The following TRIM33 variants were observed in gnomAD, a reference collection of about 807,000 sequenced individuals.
TRIM33 encodes E3 ubiquitin-protein ligase TRIM33.
In TRIM33, 20 loss-of-function variants were observed where a neutral mutation model predicts 125.4. That is an observed-to-expected ratio of 0.16 (90% confidence interval 0.11 to 0.23). The LOEUF is 0.23. Ranked by LOEUF, TRIM33 falls within the 10% of genes least tolerant of loss-of-function variation. TRIM33 has a pLI of 1.00. For missense variants in TRIM33, 920 were observed against 1,411.4 expected, an observed-to-expected ratio of 0.65 and a Z score of 5.58; for synonymous variants, 564 against 513.9, an observed-to-expected ratio of 1.10 and a Z score of -1.32.
At position 114,507,496 on chromosome 1, in the gene TRIM33, T is replaced by G. The variant is rs540736948; in HGVS notation, c.526+3055A>C. ...GAAAAAGATGGTGAGTTAAAACCAC[T>G]AGCTATGATCTCCAGACCAGAGATG... On this transcript the variant is annotated intron_variant, in intron 1 of 19. Coordinates refer to ENST00000358465, the MANE Select transcript of TRIM33 (RefSeq NM_015906.4). Among the ~76,000 whole-genome samples the G allele has an allele frequency of 7.9e-5, 12 of 152,338 alleles. No individual in the cohort carries two copies. The East Asian group carries it at 2.3e-3, about 29-fold the overall frequency.
At chr1:114,475,827 AC>A (rs1326812995) in intron 1 of TRIM33, among the ~76,000 whole-genome samples, 1 of 151,962 alleles carries the variant, frequency 6.6e-6, no homozygotes, top group Non-Finnish European at 1.5e-5. Context: ...ACAAAGCAAG[AC>A]CCCATCTCTA....
chr1:114,486,158 C>G (rs971501956), intron 1 of TRIM33, among the ~76,000 whole-genome samples: 1 of 151,986 alleles, frequency 6.6e-6, no homozygotes, highest in Non-Finnish European at 1.5e-5. Flanking sequence ...CACCTGTAGT[C>G]CCAGCTATTT....
In TRIM33 at chr1:114,397,503, G is replaced by A; in HGVS notation, c.*145C>T. On this transcript the variant is annotated 3_prime_UTR_variant, in exon 20 of 20. Coordinates refer to ENST00000358465, the MANE Select transcript of TRIM33 (RefSeq NM_015906.4). Reference sequence around the variant, plus strand: ...CTGTCCATTATTTCAATCTAATACTGTGTAAAAGCTATCAGCTTCTTCAAG... The same window carrying A: ...CTGTCCATTATTTCAATCTAATACTATGTAAAAGCTATCAGCTTCTTCAAG... 2 of 626,934 alleles carry A rather than the reference G, an allele frequency of 3.2e-6. No homozygotes were observed. The allele number at this position is 626,934 out of a possible 1,614,324, so 38.8% of individuals were successfully genotyped here. A position where few individuals can be genotyped will look rare whatever the true frequency, so the allele number is the denominator to read the frequency against.
Position 114,425,506 on chromosome 1 carries a change from T to TGTA in TRIM33, c.1635_1637dup (p.Thr550dup). 1.2e-6 allele frequency: 2 copies of TGTA among 1,614,132 alleles called. No individual in the cohort carries two copies. Among genetic ancestry groups the TGTA allele is most frequent in the Non-Finnish European group, 1.7e-6 (2 of 1,179,970 alleles). ...TAGGATGCTGTTGTGTTGTTGTTGT[T>TGTA]GTAGTTGGTACAGGTGCTGGTGGTT... is the stretch of plus-strand genomic sequence containing the variant. On this transcript the variant is annotated inframe_insertion, in exon 9 of 20. Coordinates refer to ENST00000358465, the MANE Select transcript of TRIM33 (RefSeq NM_015906.4).
chr1:114,468,134 T>C (rs892897900), intron 1 of TRIM33, among the ~76,000 whole-genome samples: 58 of 152,346 alleles, frequency 3.8e-4, no homozygotes, highest in African/African-American at 7.7e-4. Context: ...CTAAGTCTAG[T>C]TCCTCTCTCC....
chr1:114,421,288 A>G (rs1653263955), intron 11 of TRIM33, 148 bp downstream of exon 11: 1 of 737,048 alleles, frequency 1.4e-6, no homozygotes, highest in Non-Finnish European at 2.2e-6. Flanking sequence ...TTAGACTGGA[A>G]GGAGACTTTT....
Position 114,405,771 on chromosome 1 carries a change from C to G in TRIM33, c.2419-12G>C. On this transcript the variant is annotated splice_polypyrimidine_tract_variant and intron_variant, in intron 14 of 19. Transcript: ENST00000358465. The stretch of plus-strand genomic sequence containing the variant: ...TCAGGACTGCTCAACTAAAACAAAA[C>G]GATGACAAATTCTTGAAGAATCATT... 3 of 1,582,704 alleles carry G rather than the reference C, an allele frequency of 1.9e-6. No individual in the cohort carries two copies. In the Middle Eastern group the frequency reaches 5.1e-4, roughly 269 times the overall value.
intron 16 of TRIM33, among the ~76,000 whole-genome samples, chr1:114,401,749 A>G (rs1201408093): frequency 6.6e-6 from 1 of 152,224 alleles, no homozygotes; most frequent in Non-Finnish European, 1.5e-5. Flanking sequence ...GCAAAAATTT[A>G]TAAATTACTT....
At chr1:114,481,589 C>T (rs986726042) in intron 1 of TRIM33, among the ~76,000 whole-genome samples, 12 of 126,182 alleles carry the variant, frequency 9.5e-5, no homozygotes, top group African/African-American at 2.4e-4. Context: ...AGACACTGTC[C>T]GAAAAAAAAC....
intron 11 of TRIM33, among the ~76,000 whole-genome samples, chr1:114,419,875 CACTT>C (rs1207697611): frequency 2.0e-5 from 3 of 152,130 alleles, no homozygotes; most frequent in Non-Finnish European, 2.9e-5. Flanking sequence ...TAAATATACA[CACTT>C]ACTTTAAATA....
At position 114,427,162 on chromosome 1, in the gene TRIM33, C is replaced by G. The variant is rs1445704125; in HGVS notation, c.1420+15G>C. On this transcript the variant is annotated intron_variant, in intron 8 of 19. Transcript: ENST00000358465. Reference sequence around the variant, plus strand: ...AGTGTTCCAAGTTATATTCATAAAACTCATTATTTCTCACCTAAATTGACT... The same window carrying G: ...AGTGTTCCAAGTTATATTCATAAAAGTCATTATTTCTCACCTAAATTGACT... 1 of 1,276,380 alleles carries G rather than the reference C, an allele frequency of 7.8e-7. No individual in the cohort carries two copies. The highest frequency in any genetic ancestry group is 1.9e-5 in the Admixed American group (1 of 52,738). 79.1% of individuals were successfully genotyped at this position (1,276,380 alleles called of 1,614,324 possible). A position where few individuals can be genotyped will look rare whatever the true frequency, so the allele number is the denominator to read the frequency against.
intron 4 of TRIM33, among the ~76,000 whole-genome samples, chr1:114,453,413 T>C (rs1317775226): frequency 3.3e-5 from 5 of 151,112 alleles, no homozygotes; most frequent in Non-Finnish European, 5.9e-5. Context: ...TAAGGTTAAA[T>C]GGCTCTCCTA....
chr1:114,499,957 A>G (rs1652610827), intron 1 of TRIM33, among the ~76,000 whole-genome samples: 1 of 152,190 alleles, frequency 6.6e-6, no homozygotes, highest in Admixed American at 6.5e-5. Context: ...GCTCAGAATC[A>G]GAAGTTCAAG....
intron 1 of TRIM33, among the ~76,000 whole-genome samples, chr1:114,507,484 A>G (rs1441811935): frequency 6.6e-6 from 1 of 152,252 alleles, no homozygotes; most frequent in East Asian, 1.9e-4. Flanking sequence ...AAAGATGGTG[A>G]GTTAAAACCA....
intron 11 of TRIM33, 90 bp downstream of exon 11, chr1:114,421,346 T>C: frequency 8.1e-7 from 1 of 1,240,486 alleles, no homozygotes; most frequent in Non-Finnish European, 1.1e-6. Context: ...ATGTTGATCC[T>C]GAATTAAAAA....
At chr1:114,477,524 T>C (rs1651050301) in intron 1 of TRIM33, among the ~76,000 whole-genome samples, 1 of 152,146 alleles carries the variant, frequency 6.6e-6, no homozygotes, top group Non-Finnish European at 1.5e-5. Flanking sequence ...AGTTTCCCCT[T>C]TGCAAAACAG....
At chr1:114,404,119 T>C (rs968283785) in intron 15 of TRIM33, among the ~76,000 whole-genome samples, 1 of 152,116 alleles carries the variant, frequency 6.6e-6, no homozygotes, top group African/African-American at 2.4e-5. Flanking sequence ...AATCTAGGGA[T>C]TGTACTAACC....
intron 1 of TRIM33, among the ~76,000 whole-genome samples, chr1:114,506,993 T>C (rs76869242): frequency 6.6e-6 from 1 of 152,240 alleles, no homozygotes; most frequent in East Asian, 1.9e-4. Context: ...TCTCTAGTGA[T>C]TCTTATTTAC....
chr1:114,418,120 A>G (rs576060881), intron 11 of TRIM33, among the ~76,000 whole-genome samples: 22 of 152,362 alleles, frequency 1.4e-4, no homozygotes, highest in South Asian at 4.1e-4. Flanking sequence ...GGGAGGCCCC[A>G]GGAAACCTAC....
Sources: allele counts gnomAD v4.1 joint callset (sites outside exome capture counted in the v4.1 genomes callset), GRCh38; gene constraint gnomAD v4.1.1; transcripts MANE v1.5; gene names NCBI Gene and HGNC (gene_info 2026-07-23, HGNC 2026-07-21).